Variants in MDGA2 observed in about 807,000 individuals in gnomAD.
MDGA2 encodes MAM domain containing glycosylphosphatidylinositol anchor 2.
A neutral mutation model predicts 117.8 loss-of-function variants in MDGA2; 40 were observed. The observed-to-expected ratio is 0.34, with a 90% CI of 0.26 to 0.44. MDGA2 has a LOEUF of 0.44. Ranked by LOEUF, MDGA2 falls within the 20% of genes least tolerant of loss-of-function variation. MDGA2 has a pLI of 1.00. For synonymous variants in MDGA2, 452 were observed against 439.0 expected, an observed-to-expected ratio of 1.03 and a Z score of -0.37; for missense variants, 1,123 against 1,250.6, an observed-to-expected ratio of 0.90 and a Z score of 1.54.
chr14:47,588,824 A>T (rs1896381739), intron 1 of MDGA2, among the ~76,000 whole-genome samples: 1 of 151,948 alleles, frequency 6.6e-6, no homozygotes, highest in Non-Finnish European at 1.5e-5. Context: ...GAATTATCAT[A>T]TTACAGTTCT....
intron 1 of MDGA2, among the ~76,000 whole-genome samples, chr14:47,341,040 G>A (rs1425008019): frequency 6.6e-6 from 1 of 152,046 alleles, no homozygotes. Context: ...TCTGAATGAA[G>A]GCCTTATCTT....
At chr14:47,069,255 A>G (rs1890193097) in intron 6 of MDGA2, among the ~76,000 whole-genome samples, 1 of 152,194 alleles carries the variant, frequency 6.6e-6, no homozygotes, top group Non-Finnish European at 1.5e-5. Flanking sequence ...AATATTTTCT[A>G]GTTCCCATTC....
At chr14:47,588,237 G>T (rs10146500) in intron 1 of MDGA2, among the ~76,000 whole-genome samples, 38,657 of 121,404 alleles carry the variant, frequency 0.32, 6,665 homozygotes, top group African/African-American at 0.37. Context: ...GAGATAGATA[G>T]ATATATATAT....
chr14:47,400,912 C>T (rs1263329806), intron 1 of MDGA2, among the ~76,000 whole-genome samples: 2 of 147,588 alleles, frequency 1.4e-5, no homozygotes, highest in African/African-American at 5.0e-5. Context: ...CACCCACCAC[C>T]ACGCCCGGCT....
At chr14:47,360,354 A>AAAATAAAG (rs1891091151) in intron 1 of MDGA2, among the ~76,000 whole-genome samples, 1 of 139,972 alleles carries the variant, frequency 7.1e-6, no homozygotes, top group South Asian at 2.3e-4. Flanking sequence ...TCCATCTCAA[A>AAAATAAAG]AAATAAATAA....
At chr14:47,353,550 T>TAAG (rs1890930010) in intron 1 of MDGA2, among the ~76,000 whole-genome samples, 1 of 152,166 alleles carries the variant, frequency 6.6e-6, no homozygotes, top group African/African-American at 2.4e-5. Flanking sequence ...AGGAGGTGAT[T>TAAG]AAGTTAAAAC....
At chr14:47,219,901 G>C (rs1381098934) in intron 2 of MDGA2, among the ~76,000 whole-genome samples, 1 of 152,034 alleles carries the variant, frequency 6.6e-6, no homozygotes, top group African/African-American at 2.4e-5. Flanking sequence ...CTGTAAATGG[G>C]ACTGGGAGTA....
intron 7 of MDGA2, 87 bp downstream of exon 7, chr14:47,061,162 T>C (rs1889867207): frequency 7.8e-7 from 1 of 1,277,292 alleles, no homozygotes; most frequent in East Asian, 2.4e-5. Flanking sequence ...AGGGAAAAAA[T>C]ATTTTTAACT....
chr14:47,086,877 T>C (rs1890921225), intron 6 of MDGA2, among the ~76,000 whole-genome samples: 1 of 152,210 alleles, frequency 6.6e-6, no homozygotes, highest in Middle Eastern at 3.2e-3. Flanking sequence ...TCAGTTGTGA[T>C]GTTAGTTTAT....
intron 3 of MDGA2, among the ~76,000 whole-genome samples, chr14:47,217,222 C>T (rs1886125456): frequency 6.6e-6 from 1 of 151,940 alleles, no homozygotes; most frequent in Admixed American, 6.6e-5. Context: ...TTGCTTATGT[C>T]TAAATTACTT....
At chr14:47,257,091 C>T (rs1887646274) in intron 2 of MDGA2, among the ~76,000 whole-genome samples, 1 of 152,174 alleles carries the variant, frequency 6.6e-6, no homozygotes, top group African/African-American at 2.4e-5. Flanking sequence ...TGAGTAACAA[C>T]ACTACTTTGT....
intron 3 of MDGA2, among the ~76,000 whole-genome samples, chr14:47,161,139 C>T (rs1883616760): frequency 6.6e-6 from 1 of 151,952 alleles, no homozygotes; most frequent in Non-Finnish European, 1.5e-5. Context: ...TGCTGTTATG[C>T]TATTTTCAGC....
intron 8 of MDGA2, among the ~76,000 whole-genome samples, chr14:46,994,432 C>T (rs946651653): frequency 6.6e-6 from 1 of 152,004 alleles, no homozygotes; most frequent in African/African-American, 2.4e-5. Context: ...GGATTGTGTC[C>T]TCAAGCTTTG....
chr14:47,478,822 G>C (rs998539978), intron 1 of MDGA2, among the ~76,000 whole-genome samples: 1 of 152,198 alleles, frequency 6.6e-6, no homozygotes, highest in Non-Finnish European at 1.5e-5. Flanking sequence ...GACAGATCAC[G>C]CTAAATAGAT....
intron 8 of MDGA2, among the ~76,000 whole-genome samples, chr14:46,986,892 T>C (rs909304233): frequency 1.3e-5 from 2 of 152,136 alleles, no homozygotes; most frequent in African/African-American, 4.8e-5. Flanking sequence ...TTATTGATTT[T>C]CATGACCATT....
chr14:47,120,247 T>C (rs1327907332), intron 5 of MDGA2, among the ~76,000 whole-genome samples: 1 of 152,188 alleles, frequency 6.6e-6, no homozygotes, highest in Non-Finnish European at 1.5e-5. Flanking sequence ...CTCTTGATTA[T>C]TTCCATGCTT....
chr14:47,582,960 C>A (rs1896256669), intron 1 of MDGA2, among the ~76,000 whole-genome samples: 1 of 151,810 alleles, frequency 6.6e-6, no homozygotes, highest in African/African-American at 2.4e-5. Context: ...ATCGTGAATG[C>A]CACAGCACTC....
rs140213573 is a variant in MDGA2 at position 47,074,552 on chromosome 14, G to A, written c.1196-12974C>T. ...CCTGACCTCGTGATCCGCCCGCTTC[G>A]CCCTCCCAGAGTGCTGGGATTACAG... On this transcript the variant is annotated intron_variant, in intron 6 of 16. Transcript: ENST00000399232. 1.2e-3 allele frequency among the ~76,000 whole-genome samples: 184 copies of A among 152,190 alleles called. 1 individual carries two copies. The highest frequency in any genetic ancestry group is 1.7e-3 in the Non-Finnish European group (113 of 67,992).
At chr14:47,531,107 T>C (rs1485974394) in intron 1 of MDGA2, among the ~76,000 whole-genome samples, 1 of 151,988 alleles carries the variant, frequency 6.6e-6, no homozygotes, top group African/African-American at 2.4e-5. Context: ...TAGCCAGGCG[T>C]GGTGGTGGGC....
Sources: gnomAD v4.1 joint callset for allele counts (sites outside exome capture counted in the v4.1 genomes callset) on GRCh38, gnomAD v4.1.1 for gene constraint, MANE v1.5 for transcripts, NCBI Gene and HGNC (gene_info 2026-07-23, HGNC 2026-07-21) for gene names.